GIGYF1: variants seen among roughly 807,000 people sequenced by gnomAD.
GIGYF1 encodes GRB10-interacting GYF protein 1.
GIGYF1 carries 84 observed loss-of-function variants against 147.1 expected under a neutral mutation model. The observed-to-expected ratio is 0.57, with a 90% CI of 0.48 to 0.68. The LOEUF (loss-of-function observed/expected upper bound fraction) is 0.68, where lower values mean the gene tolerates loss of function less well. GIGYF1 is among the 30% of genes least tolerant of loss of function. The probability of loss-of-function intolerance (pLI) is 0.00; values close to 1 mark genes in which losing one functional copy is unlikely to be tolerated. For synonymous variants in GIGYF1, 752 were observed against 589.5 expected, an observed-to-expected ratio of 1.28 and a Z score of -3.99; for missense variants, 1,485 against 1,393.7, an observed-to-expected ratio of 1.07 and a Z score of -1.04.
chr7:100,693,040 G>C (rs960983971), intron 1 of GIGYF1, among the ~76,000 whole-genome samples: 4 of 152,052 alleles, frequency 2.6e-5, no homozygotes, highest in Admixed American at 6.5e-5. Context: ...CTTCTATATA[G>C]ACTCGAAGAG....
intron 1 of GIGYF1, among the ~76,000 whole-genome samples, chr7:100,693,706 G>A (rs1304770293): frequency 1.3e-5 from 2 of 152,050 alleles, no homozygotes; most frequent in African/African-American, 4.8e-5. Context: ...CCAGGGCAGG[G>A]CTTGGCAGGG....
rs758231819 is a variant in GIGYF1, at chr7:100,686,685, G to A, written c.658C>T (p.Arg220Trp). The change falls in exon 10 of 27, where the codon CGG becomes TGG. Residue 220 changes from arginine (R) to tryptophan (W), a missense_variant. Coordinates refer to ENST00000678049, the MANE Select transcript of GIGYF1 (RefSeq NM_001375765.1). ...EGSWRLGAGPRRDGDRWRSAS... is the reference protein window; with the variant it reads ...EGSWRLGAGPWRDGDRWRSAS... ...GAGCGCCAGCGGTCGCCGTCTCGCCGGGGCCCTGCTCCGAGCCTCCAGCTG... is the reference window on the plus strand; with the variant it reads ...GAGCGCCAGCGGTCGCCGTCTCGCCAGGGCCCTGCTCCGAGCCTCCAGCTG... 4.7e-5 allele frequency: 75 copies of A among 1,612,716 alleles called. No individual in the cohort carries two copies. Among genetic ancestry groups the A allele is most frequent in the East Asian group, 4.2e-4 (19 of 44,784 alleles).
intron 1 of GIGYF1, among the ~76,000 whole-genome samples, chr7:100,691,057 C>T (rs938771044): frequency 5.3e-5 from 8 of 152,230 alleles, no homozygotes; most frequent in African/African-American, 1.9e-4. Context: ...GGCACCCCCA[C>T]AGCAGGGTCT....
At position 100,679,515 on chromosome 7, in the gene GIGYF1, A is replaced by G. The variant is rs1288173837; in HGVS notation, c.*2204T>C. 1 of 152,890 alleles carries G rather than the reference A, an allele frequency of 6.5e-6. No homozygotes were observed. The highest frequency in any genetic ancestry group is 2.4e-5 in the African/African-American group (1 of 41,446). 9.5% of individuals were successfully genotyped at this position (152,890 alleles called of 1,614,324 possible). A position where few individuals can be genotyped will look rare whatever the true frequency, so the allele number is the denominator to read the frequency against. On this transcript the variant is annotated 3_prime_UTR_variant, in exon 27 of 27. Transcript: ENST00000678049. The stretch of plus-strand genomic sequence containing the variant: ...AGCAGTGGAGGCGGAACGGGAGAAC[A>G]CACACCAAGTTTTATTGGGAGAAGG...
Position 100,690,781 on chromosome 7 carries a change from CAAAAAAA to C in GIGYF1, c.-1098-1233_-1098-1227del, listed in dbSNP as rs34194201. Among the ~76,000 whole-genome samples the C allele has an allele frequency of 2.8e-3, 263 of 93,588 alleles. 2 individuals carry two copies. The highest frequency in any genetic ancestry group is 0.011 in the African/African-American group (250 of 22,254). 61.4% of individuals were successfully genotyped at this position (93,588 alleles called of 152,430 possible). On this transcript the variant is annotated intron_variant, in intron 1 of 26. Coordinates refer to ENST00000678049, the MANE Select transcript of GIGYF1 (RefSeq NM_001375765.1). ...TGGGCAACAGAGCAAGACTCTGTCT[CAAAAAAA>C]AAAAAAAAAAAAAATTTAAAGCGAT...
At position 100,682,348 on chromosome 7, in the gene GIGYF1, G is replaced by A. The variant is rs767882509; in HGVS notation, c.2735C>T (p.Thr912Met). The A allele has an allele frequency of 6.2e-7, 1 of 1,613,114 alleles. No homozygotes were observed. Among genetic ancestry groups the A allele is most frequent in the East Asian group, 2.2e-5 (1 of 44,874 alleles). The stretch of plus-strand genomic sequence containing the variant: ...GTCCAGGCTGCCCGTGGCGCTCAGC[G>A]TGTGCAGCATCTGCTCGCACCACTG... ...FTQWCEQMLH[T>M]LSATGSLDVP... The change falls in exon 24 of 27, where the codon ACG becomes ATG. Residue 912 changes from threonine (T) to methionine (M), a missense_variant. Physicochemically the swap from Thr to Met is moderately conservative, Grantham distance 81. Coordinates refer to ENST00000678049, the MANE Select transcript of GIGYF1 (RefSeq NM_001375765.1).
At chr7:100,687,458 A>G (rs569959340) in intron 7 of GIGYF1, 47 bp downstream of exon 7, 2 of 1,606,712 alleles carry the variant, frequency 1.2e-6, no homozygotes, top group African/African-American at 1.3e-5. Flanking sequence ...TCTCGAAGTC[A>G]GGGGCCCAGA....
Position 100,687,512 on chromosome 7 carries a change from C to A in GIGYF1, c.366G>T (p.Arg122=). The change falls in exon 7 of 27, where the codon CGG becomes CGT. Residue 122 remains arginine (R), a synonymous_variant. Transcript: ENST00000678049. The part of the protein sequence containing the change: ...AGTSRGRGST[R]SRGRGRGDSC... ...ACGCCATCACCCCTCTACCTCGGCT[C>A]CGCGTGCTGCCCCTGCCTCGGGAGG... 1 of 1,611,546 alleles carries A rather than the reference C, an allele frequency of 6.2e-7. No individual in the cohort carries two copies. The highest frequency in any genetic ancestry group is 8.5e-7 in the Non-Finnish European group (1 of 1,179,204).
chr7:100,685,811 A>T (rs1170859614), intron 12 of GIGYF1, among the ~76,000 whole-genome samples, 163 bp downstream of exon 12: 1 of 152,152 alleles, frequency 6.6e-6, no homozygotes, highest in Non-Finnish European at 1.5e-5. Flanking sequence ...CCTTGAAGAC[A>T]TGGCTCTGCT....
chr7:100,682,422 C>T lies in GIGYF1; in HGVS notation c.2661G>A (p.Lys887=). The change falls in exon 24 of 27, where the codon AAG becomes AAA. Residue 887 remains lysine (K), a synonymous_variant. Transcript: ENST00000678049. The stretch of plus-strand genomic sequence containing the variant: ...GAATGCCCTGCAGCAGCTTCAGCAG[C>T]TTCTCTTCTTCCTCCGTCTTTTTGC... The part of the protein sequence containing the change: ...PIRKKTEEEE[K]LLKLLQGIPR... 6.2e-7 allele frequency: 1 copy of T among 1,613,714 alleles called. No homozygotes were observed. Among genetic ancestry groups the T allele is most frequent in the Middle Eastern group, 1.6e-4 (1 of 6,062 alleles).
Position 100,683,125 on chromosome 7 carries a change from G to T in GIGYF1, c.2299C>A (p.Gln767Lys). ...PPPLWAGLAK[Q>K]GLSMKTLLEL... ...AGGAGCGTCTTCATGGACAGCCCCT[G>T]CTTGGCCAGGCCAGCCCAGAGTGGG... is the stretch of plus-strand genomic sequence containing the variant. The change falls in exon 22 of 27, where the codon CAG becomes AAG. Residue 767 changes from glutamine (Q) to lysine (K), a missense_variant. Physicochemically the swap from Gln to Lys is moderately conservative, Grantham distance 53. Transcript: ENST00000678049. The T allele has an allele frequency of 6.3e-7, 1 of 1,594,406 alleles. No individual in the cohort carries two copies.
In GIGYF1 at chr7:100,680,320, A is replaced by C. The variant is rs1469971799; in HGVS notation, c.*1399T>G. On this transcript the variant is annotated 3_prime_UTR_variant, in exon 27 of 27. Coordinates refer to ENST00000678049, the MANE Select transcript of GIGYF1 (RefSeq NM_001375765.1). ...GGAGGCAGTGGCGAAGCCTTGCCCT[A>C]ATACTGCACTCTGAGCAATGAGGTC... 6.5e-6 allele frequency: 1 copy of C among 152,690 alleles called. No individual in the cohort carries two copies. The highest frequency in any genetic ancestry group is 1.5e-5 in the Non-Finnish European group (1 of 68,090). The allele number at this position is 152,690 out of a possible 1,614,324, so 9.5% of individuals were successfully genotyped here.
intron 1 of GIGYF1, among the ~76,000 whole-genome samples, chr7:100,692,225 G>A (rs955725309): frequency 1.3e-5 from 2 of 152,240 alleles, no homozygotes. Flanking sequence ...CTTCGCGGCT[G>A]GTCGGTTATC....
chr7:100,690,634 T>C (rs1055891305), intron 1 of GIGYF1, among the ~76,000 whole-genome samples: 2 of 151,698 alleles, frequency 1.3e-5, no homozygotes, highest in Non-Finnish European at 1.5e-5. Flanking sequence ...ATACAAAAAT[T>C]AGCCAGTCCT....
Position 100,683,054 on chromosome 7 carries a change from TG to T in GIGYF1, c.2369del (p.Pro790HisfsTer25). 3 of 1,572,470 alleles carry T rather than the reference TG, an allele frequency of 1.9e-6. No homozygotes were observed. Among genetic ancestry groups the T allele is most frequent in the Admixed American group, 1.8e-5 (1 of 56,630 alleles). On this transcript the variant is annotated frameshift_variant, in exon 22 of 27. Coordinates refer to ENST00000678049, the MANE Select transcript of GIGYF1 (RefSeq NM_001375765.1). LOFTEE classifies it high-confidence loss of function. ...EGERQLHKQP[P>X]PREPARAQAP... ...CCTGGGCCCGAGCTGGCTCCCGAGG[TG>T]GGGGCTGTTTGTGCAGCTGCCGCTC...
chr7:100,689,073 C>G lies in GIGYF1; in HGVS notation c.-616G>C, dbSNP rs1805630325. On this transcript the variant is annotated 5_prime_UTR_variant, in exon 2 of 27. Coordinates refer to ENST00000678049, the MANE Select transcript of GIGYF1 (RefSeq NM_001375765.1). ...TCATGAAAAAAATCAGTTGGCTGCT[C>G]AGAAGCTCAAATCCAGGGGCTTGGT... is the stretch of plus-strand genomic sequence containing the variant. 1 of 152,668 alleles carries G rather than the reference C, an allele frequency of 6.6e-6. No individual in the cohort carries two copies. Among genetic ancestry groups the G allele is most frequent in the South Asian group, 2.0e-4 (1 of 4,896 alleles). 9.5% of individuals were successfully genotyped at this position (152,668 alleles called of 1,614,324 possible).
At chr7:100,691,965 G>A (rs1805865399) in intron 1 of GIGYF1, among the ~76,000 whole-genome samples, 1 of 152,262 alleles carries the variant, frequency 6.6e-6, no homozygotes, top group African/African-American at 2.4e-5. Flanking sequence ...GGCGGTCCCA[G>A]TGCACATTCA....
Position 100,686,708 on chromosome 7 carries a change from C to CTGCCCTCCTCCT in GIGYF1, c.623_634dup (p.Gly211_Ser212insLysGluGluGly). The stretch of plus-strand genomic sequence containing the variant: ...CCGGGGCCCTGCTCCGAGCCTCCAG[C>CTGCCCTCCTCCT]TGCCCTCCTCCTCCTCCTCCTGTTC... On this transcript the variant is annotated inframe_insertion, in exon 10 of 27. Transcript: ENST00000678049. 6.2e-7 allele frequency: 1 copy of CTGCCCTCCTCCT among 1,613,432 alleles called. No individual in the cohort carries two copies. Among genetic ancestry groups the CTGCCCTCCTCCT allele is most frequent in the Non-Finnish European group, 8.5e-7 (1 of 1,179,900 alleles).
At position 100,682,909 on chromosome 7, in the gene GIGYF1, C is replaced by T. The variant is rs535506317; in HGVS notation, c.2412+103G>A. ...AGAGCTGTTGCCATCACAGGAGAGG[C>T]TGGGACTGGGGCTGGGGCTGCACAA... On this transcript the variant is annotated intron_variant, in intron 22 of 26. Transcript: ENST00000678049. 2.7e-5 allele frequency: 34 copies of T among 1,277,126 alleles called. No homozygotes were observed. The Admixed American group carries it at 8.2e-4, about 31-fold the overall frequency. The allele number at this position is 1,277,126 out of a possible 1,614,324, so 79.1% of individuals were successfully genotyped here. A position where few individuals can be genotyped will look rare whatever the true frequency, so the allele number is the denominator to read the frequency against.
Sources: allele counts gnomAD v4.1 joint callset (sites outside exome capture counted in the v4.1 genomes callset), GRCh38; gene constraint gnomAD v4.1.1; transcripts MANE v1.5; gene names NCBI Gene and HGNC (gene_info 2026-07-23, HGNC 2026-07-21).